Variants in ZC3H7B observed in about 807,000 individuals in gnomAD.
The protein encoded by ZC3H7B is zinc finger CCCH domain-containing protein 7B.
ZC3H7B carries 35 observed loss-of-function variants against 116.0 expected under a neutral mutation model. The ratio of observed to expected loss-of-function variants is 0.30; its 90% CI spans 0.23 to 0.40. The LOEUF is 0.40. Among genes scored for constraint, ZC3H7B ranks in the 10% least tolerant of loss-of-function variants. The pLI is 1.00. For missense variants in ZC3H7B, 1,011 were observed against 1,321.5 expected (o/e 0.77, Z 3.64); for synonymous variants, 502 against 545.6 (o/e 0.92, Z 1.11).
At chr22:41,355,427 G>A in intron 17 of ZC3H7B, 42 bp from the exon 18 acceptor site, 3 of 1,610,170 alleles carry the variant, frequency 1.9e-6, no homozygotes, top group Non-Finnish European at 2.5e-6. Context: ...CTCAGGCCTG[G>A]TGCCTGCAGC....
intron 15 of ZC3H7B, 136 bp from the exon 16 acceptor site, chr22:41,348,984 A>G (rs1382214954): frequency 4.1e-6 from 4 of 975,630 alleles, no homozygotes; most frequent in Non-Finnish European, 6.0e-6. Context: ...CTCCTGTGTC[A>G]TCCATGGCCT....
rs200023902 is a variant in ZC3H7B, at chr22:41,339,954, G to A, written c.955G>A (p.Ala319Thr). The A allele has an allele frequency of 5.0e-6, 8 of 1,612,322 alleles. No individual in the cohort carries two copies. Among genetic ancestry groups the A allele is most frequent in the African/African-American group, 4.0e-5 (3 of 74,972 alleles). Residue 319 changes from alanine to threonine, a missense_variant, in exon 10 of 23, where the codon GCC becomes ACC. This residue lies in a region of ZC3H7B where 322 missense variants were observed against 443.9 expected (regional missense o/e 0.73). Coordinates refer to ENST00000352645, the MANE Select transcript of ZC3H7B (RefSeq NM_017590.6). Reference protein sequence around the residue: ...SIPVSSPLPPASFGLVMDPSK... With the variant: ...SIPVSSPLPPTSFGLVMDPSK... ...CCCTGTCTCCAGCCCACTGCCCCCCGCCTCCTTCGGCTTGGTCATGGACCC... is the reference window on the plus strand; with the variant it reads ...CCCTGTCTCCAGCCCACTGCCCCCCACCTCCTTCGGCTTGGTCATGGACCC...
In ZC3H7B at chr22:41,357,516, G is replaced by A. The variant is rs563500846; in HGVS notation, c.*87G>A. 3.0e-6 allele frequency: 3 copies of A among 1,002,266 alleles called. No homozygotes were observed. The highest frequency in any genetic ancestry group is 1.6e-5 in the African/African-American group (1 of 61,452). 62.1% of individuals were successfully genotyped at this position (1,002,266 alleles called of 1,614,324 possible). A position where few individuals can be genotyped will look rare whatever the true frequency, so the allele number is the denominator to read the frequency against. On this transcript the variant is annotated 3_prime_UTR_variant, in exon 23 of 23. Transcript: ENST00000352645. The surrounding 1 kb of genome is among the most constrained non-coding windows in gnomAD (Gnocchi z 5.4). ...TGATAGAAGGGTCAGGGCAGGCCAGGGGGGTGGGGGGCCGCCCTCATCAGG... is the reference window on the plus strand; with the variant it reads ...TGATAGAAGGGTCAGGGCAGGCCAGAGGGGTGGGGGGCCGCCCTCATCAGG...
chr22:41,348,700 C>T (rs1055302327), intron 15 of ZC3H7B, among the ~76,000 whole-genome samples: 2 of 152,220 alleles, frequency 1.3e-5, no homozygotes, highest in African/African-American at 4.8e-5. Flanking sequence ...TCCTGTCTTA[C>T]GTCCAAGCCT....
rs1201236341 is a variant in ZC3H7B at position 41,325,822 on chromosome 22, G to A, written c.189G>A (p.Leu63=). The change falls in exon 4 of 23, where the codon CTG becomes CTA. Residue 63 remains leucine, a synonymous_variant. Coordinates refer to ENST00000352645, the MANE Select transcript of ZC3H7B (RefSeq NM_017590.6). ...KQALVQYMEG[L]NVADYAASDQ... ...CTCTGGTGCAGTACATGGAAGGGCTGAACGTGGCCGACTACGCTGCCTCTG... is the reference window on the plus strand; with the variant it reads ...CTCTGGTGCAGTACATGGAAGGGCTAAACGTGGCCGACTACGCTGCCTCTG... 1 of 1,613,476 alleles carries A rather than the reference G, an allele frequency of 6.2e-7. No homozygotes were observed. The highest frequency in any genetic ancestry group is 8.5e-7 in the Non-Finnish European group (1 of 1,179,890).
At chr22:41,345,868 C>G (rs1225745236) in intron 13 of ZC3H7B, 135 bp from the exon 14 acceptor site, 25 of 870,006 alleles carry the variant, frequency 2.9e-5, no homozygotes, top group Non-Finnish European at 4.1e-5. Flanking sequence ...CCTGGCTCAC[C>G]TAGCTGTGTT....
At position 41,330,038 on chromosome 22, in the gene ZC3H7B, C is replaced by G; in HGVS notation, c.460C>G (p.Gln154Glu). The stretch of plus-strand genomic sequence containing the variant: ...TCCTCTGCAGGATGAAAGCGTGACT[C>G]AGCTTGGTCAGGAGCTGGCCCAGAA... ...LALPHDESVT[Q>E]LGQELAQKLG... Residue 154 changes from glutamine (Q) to glutamate (E), a missense_variant, in exon 6 of 23, where the codon CAG becomes GAG. Gln to Glu is a conservative substitution (Grantham distance 29). Transcript: ENST00000352645. The G allele has an allele frequency of 6.2e-7, 1 of 1,613,882 alleles. No individual in the cohort carries two copies. Among genetic ancestry groups the G allele is most frequent in the African/African-American group, 1.3e-5 (1 of 75,074 alleles).
chr22:41,353,348 C>T (rs542606518), intron 17 of ZC3H7B, among the ~76,000 whole-genome samples: 23 of 152,348 alleles, frequency 1.5e-4, no homozygotes, highest in African/African-American at 5.3e-4. Flanking sequence ...GCTCTTCTCC[C>T]TCCCCACCTG....
Position 41,346,131 on chromosome 22 carries a change from G to C in ZC3H7B, c.1588G>C (p.Gly530Arg), listed in dbSNP as rs764452934. The change falls in exon 14 of 23, where the codon GGG becomes CGG. Residue 530 changes from glycine to arginine, a missense_variant. Around this residue, in one of 5 missense-constraint regions of ZC3H7B, gnomAD observed 179 missense variants for 178.5 expected, o/e 1.00. Transcript: ENST00000352645. The surrounding 1 kb of genome is among the most constrained non-coding windows in gnomAD (Gnocchi z 5.3). ...CCGCGACCTGCTCTTCGACCCGCTG[G>C]GGGGTGTTAAGCGCGGCAGCCTCAC... ...LNRDLLFDPL[G>R]GVKRGSLTIA... The C allele has an allele frequency of 1.9e-6, 3 of 1,613,478 alleles. No homozygotes were observed. The highest frequency in any genetic ancestry group is 3.3e-5 in the Admixed American group (2 of 60,022).
intron 1 of ZC3H7B, among the ~76,000 whole-genome samples, chr22:41,318,760 G>C (rs1170752057): frequency 6.6e-6 from 1 of 151,908 alleles, no homozygotes; most frequent in African/African-American, 2.4e-5. Flanking sequence ...CTCTACATGT[G>C]GTCTTCCTGC....
chr22:41,342,609 G>A lies in ZC3H7B; in HGVS notation c.1278G>A (p.Gln426=). 1 of 1,612,698 alleles carries A rather than the reference G, an allele frequency of 6.2e-7. No homozygotes were observed. Among genetic ancestry groups the A allele is most frequent in the Non-Finnish European group, 8.5e-7 (1 of 1,179,874 alleles). The change falls in exon 12 of 23, where the codon CAG becomes CAA. Residue 426 remains glutamine (Q), a synonymous_variant. Transcript: ENST00000352645. ...AATHEFKQAC[Q]LCYPKTGPRA... is the part of the protein sequence containing the mutation. ...CCCACGAGTTCAAGCAGGCCTGCCA[G>A]CTCTGCTACCCCAAGACAGGTAAAC...
In ZC3H7B at chr22:41,356,776, C is replaced by T; in HGVS notation, c.2649C>T (p.Arg883=). 6.2e-7 allele frequency: 1 copy of T among 1,613,556 alleles called. No individual in the cohort carries two copies. Among genetic ancestry groups the T allele is most frequent in the South Asian group, 1.1e-5 (1 of 91,088 alleles). Residue 883 remains arginine (R), a synonymous_variant, in exon 22 of 23, where the codon CGC becomes CGT. Transcript: ENST00000352645. ...SDSDASGWAF[R]FPMGEFRLCD... ...GTGACGCCAGCGGCTGGGCCTTCCG[C>T]TTCCCCATGGGCGAGTTCCGGCTCT...
chr22:41,313,225 TCTC>T (rs750880072), intron 1 of ZC3H7B, among the ~76,000 whole-genome samples: 19 of 151,712 alleles, frequency 1.3e-4, no homozygotes, highest in Non-Finnish European at 1.9e-4. Context: ...TTCAAGCAAT[TCTC>T]CTGCCTCAGC....
intron 7 of ZC3H7B, among the ~76,000 whole-genome samples, chr22:41,337,045 A>G (rs1003397035): frequency 6.6e-6 from 1 of 152,214 alleles, no homozygotes; most frequent in African/African-American, 2.4e-5. Context: ...CTGAGGCAGG[A>G]GAATCGCTTG....
chr22:41,309,008 CTTTTT>C (rs57147100), intron 1 of ZC3H7B, among the ~76,000 whole-genome samples: 5 of 103,302 alleles, frequency 4.8e-5, no homozygotes, highest in South Asian at 3.7e-4. Context: ...TCCCAGTCTG[CTTTTT>C]TTTTTTTTTT....
intron 13 of ZC3H7B, among the ~76,000 whole-genome samples, chr22:41,343,859 G>C (rs1219158792): frequency 6.6e-6 from 1 of 152,204 alleles, no homozygotes; most frequent in Non-Finnish European, 1.5e-5. Context: ...AGTGTCAGGA[G>C]CCTACATGAC....
In ZC3H7B at chr22:41,358,525, G is replaced by C. The variant is rs1045541992; in HGVS notation, c.*1096G>C. 6.6e-6 allele frequency: 1 copy of C among 152,356 alleles called. No homozygotes were observed. The highest frequency in any genetic ancestry group is 6.5e-5 in the Admixed American group (1 of 15,276). 9.4% of individuals were successfully genotyped at this position (152,356 alleles called of 1,614,324 possible). ...AGGTGGGAAGGGTGAGGGTCTGGGG[G>C]AATGCGGAGAAAAGGGAGGCTTGAC... On this transcript the variant is annotated 3_prime_UTR_variant, in exon 23 of 23. Transcript: ENST00000352645.
rs933871753 is a variant in ZC3H7B, at chr22:41,355,495, C to G, written c.2061C>G (p.Ser687Arg). The stretch of plus-strand genomic sequence containing the variant: ...GTGCTCCGAGGACACATGGGCCCAG[C>G]ACCTTTGACCTGCAGATGAAGTTTG... Reference protein sequence around the residue: ...SMGAPRTHGPSTFDLQMKFVC... With the variant: ...SMGAPRTHGPRTFDLQMKFVC... Residue 687 changes from serine (S) to arginine (R), a missense_variant, in exon 18 of 23, where the codon AGC (serine) becomes AGG (arginine). By Grantham distance (110) the Ser-to-Arg change is moderately radical. Transcript: ENST00000352645. The G allele has an allele frequency of 6.2e-7, 1 of 1,614,146 alleles. No individual in the cohort carries two copies. The highest frequency in any genetic ancestry group is 1.3e-5 in the African/African-American group (1 of 75,066).
chr22:41,349,384 T>TGGGGTGACAGGCC lies in ZC3H7B; in HGVS notation c.1948+84_1948+96dup. On this transcript the variant is annotated intron_variant, in intron 16 of 22. Coordinates refer to ENST00000352645, the MANE Select transcript of ZC3H7B (RefSeq NM_017590.6). The surrounding 1 kb of genome is among the most constrained non-coding windows in gnomAD (Gnocchi z 4.9). ...CAGGTGAAGGGAGCGCAGGACTGAC[T>TGGGGTGACAGGCC]GGGGTGACAGGCCAGGGCCCCATGG... 1 of 1,547,808 alleles carries TGGGGTGACAGGCC rather than the reference T, an allele frequency of 6.5e-7. No homozygotes were observed. The highest frequency in any genetic ancestry group is 8.7e-7 in the Non-Finnish European group (1 of 1,143,202).
Sources: gnomAD v4.1 joint callset for allele counts (sites outside exome capture counted in the v4.1 genomes callset) on GRCh38, gnomAD v4.1.1 for gene constraint, gnomAD v4.1.1 regional missense constraint, Gnocchi (gnomAD v3.1) non-coding constraint, MANE v1.5 for transcripts, NCBI Gene and HGNC (gene_info 2026-07-23, HGNC 2026-07-21) for gene names.